The following DSP variants were observed in gnomAD, a reference collection of about 807,000 sequenced individuals.
DSP encodes the protein desmoplakin, also known as 250/210 kDa paraneoplastic pemphigus antigen.
Under a neutral mutation model 290.6 loss-of-function variants are expected in DSP, and 114 were observed. The ratio of observed to expected loss-of-function variants is 0.39; its 90% CI spans 0.34 to 0.46. The LOEUF is 0.46. Among genes scored for constraint, DSP ranks in the 20% least tolerant of loss-of-function variants. DSP has a pLI of 0.99. For synonymous variants in DSP, 1,311 were observed against 1,316.4 expected (o/e 1.00, Z 0.09); for missense variants, 3,230 against 3,495.8 (o/e 0.92, Z 1.92).
intron 3 of DSP, 96 bp from the exon 4 acceptor site, chr6:7,559,130 T>C: frequency 7.3e-7 from 1 of 1,374,012 alleles, no homozygotes; most frequent in South Asian, 1.2e-5. Flanking sequence ...GTAGCTTCTC[T>C]ATTGACACAA....
Position 7,585,977 on chromosome 6 carries a change from G to GTCCTATCACTCTACTGCA in DSP, c.*99_*100insTCCTATCACTCTACTGCA. The GTCCTATCACTCTACTGCA allele has an allele frequency of 8.2e-7, 1 of 1,215,040 alleles. No individual in the cohort carries two copies. The highest frequency in any genetic ancestry group is 1.2e-6 in the Non-Finnish European group (1 of 838,668). 75.3% of individuals were successfully genotyped at this position (1,215,040 alleles called of 1,614,324 possible). Reference sequence around the variant, plus strand: ...AAAATCCCGGTGCTTGCAGTAGAGTGATAGGACATTCTATGCTTACAGAAA... The same window carrying GTCCTATCACTCTACTGCA: ...AAAATCCCGGTGCTTGCAGTAGAGTGTCCTATCACTCTACTGCAATAGGACATTCTATGCTTACAGAAA... On this transcript the variant is annotated 3_prime_UTR_variant, in exon 24 of 24. Transcript: ENST00000379802.
At chr6:7,569,377 C>T in intron 12 of DSP, 37 bp downstream of exon 12, 1 of 1,614,082 alleles carries the variant, frequency 6.2e-7, no homozygotes, top group Non-Finnish European at 8.5e-7. Flanking sequence ...CGCATGCACG[C>T]ATGAATGTGA....
Position 7,580,562 on chromosome 6 carries a change from C to A in DSP, c.4372C>A (p.Arg1458=), listed in dbSNP as rs28763965. The change falls in exon 23 of 24, where the codon CGA becomes AGA. Residue 1458 remains arginine, a synonymous_variant. Coordinates refer to ENST00000379802, the MANE Select transcript of DSP (RefSeq NM_004415.4). This position sits in a 1 kb window ranked among gnomAD's most constrained non-coding sequence, Gnocchi z 4.2. ...TGAGCTGAGACAAGTCACTCAGATGCGAACAGAGGAGAGCGTAAGATATAA... is the reference window on the plus strand; with the variant it reads ...TGAGCTGAGACAAGTCACTCAGATGAGAACAGAGGAGAGCGTAAGATATAA... ...EVELRQVTQM[R]TEESVRYKQS... is the part of the protein sequence containing the mutation. 3 of 1,613,990 alleles carry A rather than the reference C, an allele frequency of 1.9e-6. No individual in the cohort carries two copies. The highest frequency in any genetic ancestry group is 2.5e-6 in the Non-Finnish European group (3 of 1,180,022).
rs1561681723 is a variant in DSP, at chr6:7,559,426, AC to A, written c.597+28del. On this transcript the variant is annotated intron_variant, in intron 4 of 23. Coordinates refer to ENST00000379802, the MANE Select transcript of DSP (RefSeq NM_004415.4). ...GTAAGCAGCTTCTTGAACAGCCCAA[AC>A]CTGTGCAGGCCAGACGTTCCAGCAC... The A allele has an allele frequency of 2.5e-6, 4 of 1,611,858 alleles. No individual in the cohort carries two copies. In the Admixed American group the frequency reaches 6.7e-5, roughly 27 times the overall value.
chr6:7,578,396 G>C, intron 21 of DSP, 68 bp from the exon 22 acceptor site: 1 of 1,312,988 alleles, frequency 7.6e-7, no homozygotes, highest in Non-Finnish European at 1.1e-6. Flanking sequence ...AAACAAAATC[G>C]GTCAAATTAC....
intron 1 of DSP, among the ~76,000 whole-genome samples, chr6:7,550,108 G>T (rs185016016): frequency 2.6e-5 from 4 of 152,098 alleles, no homozygotes; most frequent in African/African-American, 9.6e-5. Flanking sequence ...TGCAATCTCG[G>T]CTCACTGCAG....
intron 15 of DSP, among the ~76,000 whole-genome samples, chr6:7,573,785 A>G (rs907890862): frequency 2.0e-5 from 3 of 152,312 alleles, no homozygotes; most frequent in Admixed American, 6.5e-5. Flanking sequence ...GGGAAGATGT[A>G]AAGGATACAA....
Position 7,579,489 on chromosome 6 carries a change from G to T in DSP, c.3299G>T (p.Cys1100Phe). ...TCGGCTAAGCAAAATCTAGACAAGT[G>T]CTACGGCCAAATAAAAGAACTCAAT... ...GKSAKQNLDK[C>F]YGQIKELNEK... Residue 1100 changes from cysteine (C) to phenylalanine (F), a missense_variant, in exon 23 of 24, where the codon TGC becomes TTC. By Grantham distance (205) the Cys-to-Phe change is radical. Transcript: ENST00000379802. The surrounding 1 kb of genome is among the most constrained non-coding windows in gnomAD (Gnocchi z 4.1). The T allele has an allele frequency of 6.2e-7, 1 of 1,613,992 alleles. No homozygotes were observed. Among genetic ancestry groups the T allele is most frequent in the Non-Finnish European group, 8.5e-7 (1 of 1,180,032 alleles).
rs976330145 is a variant in DSP at position 7,565,717 on chromosome 6, G to A, written c.939+197G>A. The A allele has an allele frequency of 4.3e-5, 28 of 655,110 alleles. No individual in the cohort carries two copies. Among genetic ancestry groups the A allele is most frequent in the Middle Eastern group, 4.2e-4 (1 of 2,356 alleles). 40.6% of individuals were successfully genotyped at this position (655,110 alleles called of 1,614,324 possible). A position where few individuals can be genotyped will look rare whatever the true frequency, so the allele number is the denominator to read the frequency against. ...GCCATTATCCTTAGCAAACTTATGC[G>A]GGAACAGAAAACCAAATACCACATG... On this transcript the variant is annotated intron_variant, in intron 7 of 23. Coordinates refer to ENST00000379802, the MANE Select transcript of DSP (RefSeq NM_004415.4). The surrounding 1 kb of genome is among the most constrained non-coding windows in gnomAD (Gnocchi z 4.2).
chr6:7,562,847 C>T, intron 5 of DSP, 67 bp downstream of exon 5: 1 of 1,603,198 alleles, frequency 6.2e-7, no homozygotes, highest in Middle Eastern at 1.7e-4. Flanking sequence ...ATTACTCAAT[C>T]CCAGGGAGTT....
At chr6:7,548,068 C>T (rs1285565608) in intron 1 of DSP, among the ~76,000 whole-genome samples, 1 of 151,938 alleles carries the variant, frequency 6.6e-6, no homozygotes, top group Non-Finnish European at 1.5e-5. Context: ...GGAGTTCCAG[C>T]CCAGCCTAGC....
rs1233653476 is a variant in DSP, at chr6:7,583,199, G to C, written c.5937G>C (p.Gln1979His). Reference protein sequence around the residue: ...DGLRKKVTAMQLYECQLIDKT... With the variant: ...DGLRKKVTAMHLYECQLIDKT... ...TGAGGAAGAAGGTGACAGCAATGCA[G>C]CTCTATGAGTGTCAGCTGATCGACA... Residue 1979 changes from glutamine to histidine, a missense_variant, in exon 24 of 24, where the codon CAG (glutamine) becomes CAC (histidine). Transcript: ENST00000379802. The surrounding 1 kb of genome is among the most constrained non-coding windows in gnomAD (Gnocchi z 4.0). 1.2e-6 allele frequency: 2 copies of C among 1,614,148 alleles called. No homozygotes were observed. The highest frequency in any genetic ancestry group is 1.7e-6 in the Non-Finnish European group (2 of 1,180,028).
intron 1 of DSP, among the ~76,000 whole-genome samples, chr6:7,543,255 T>G (rs998986712): frequency 6.6e-6 from 1 of 152,012 alleles, no homozygotes; most frequent in African/African-American, 2.4e-5. Context: ...GCCCTAGGCC[T>G]GGGAGGAGCA....
chr6:7,555,387 G>C (rs1465465639), intron 1 of DSP, among the ~76,000 whole-genome samples: 1 of 139,592 alleles, frequency 7.2e-6, no homozygotes, highest in East Asian at 2.1e-4. Flanking sequence ...GATATTTGGG[G>C]GTTAAAAAGC....
intron 1 of DSP, among the ~76,000 whole-genome samples, chr6:7,542,338 A>G (rs1758019511): frequency 6.6e-6 from 1 of 152,114 alleles, no homozygotes; most frequent in Non-Finnish European, 1.5e-5. Flanking sequence ...GCGGGTGGTC[A>G]GAGGGGGCGT....
intron 1 of DSP, among the ~76,000 whole-genome samples, chr6:7,547,584 A>G (rs1377174355): frequency 6.7e-6 from 1 of 150,270 alleles, no homozygotes; most frequent in Non-Finnish European, 1.5e-5. Flanking sequence ...GTGCGCCACC[A>G]TACACAACTA....
At chr6:7,556,919 C>G (rs1758521115) in intron 2 of DSP, among the ~76,000 whole-genome samples, 1 of 152,224 alleles carries the variant, frequency 6.6e-6, no homozygotes. Context: ...AACATACACA[C>G]ACACACGTCA....
chr6:7,577,825 T>C lies in DSP; in HGVS notation c.2924T>C (p.Leu975Pro), dbSNP rs1473895931. Reference sequence around the variant, plus strand: ...TCATACACCTCAGGACTGGAAACTCTGCTGAACATACCTATCAAGAGGACC... The same window carrying C: ...TCATACACCTCAGGACTGGAAACTCCGCTGAACATACCTATCAAGAGGACC... ...LASYTSGLET[L>P]LNIPIKRTMI... Residue 975 changes from leucine (L) to proline (P), a missense_variant, in exon 21 of 24, where the codon CTG becomes CCG. Around this residue, in one of 5 missense-constraint regions of DSP, gnomAD observed 1,714 missense variants for 1,844.5 expected, o/e 0.93. Coordinates refer to ENST00000379802, the MANE Select transcript of DSP (RefSeq NM_004415.4). 1.9e-6 allele frequency: 3 copies of C among 1,614,218 alleles called. No individual in the cohort carries two copies. Among genetic ancestry groups the C allele is most frequent in the Non-Finnish European group, 2.5e-6 (3 of 1,180,038 alleles).
Position 7,583,577 on chromosome 6 carries a change from A to G in DSP, c.6315A>G (p.Val2105=), listed in dbSNP as rs1169852065. The G allele has an allele frequency of 6.2e-7, 1 of 1,614,208 alleles. No homozygotes were observed. The highest frequency in any genetic ancestry group is 8.5e-7 in the Non-Finnish European group (1 of 1,180,040). The part of the protein sequence containing the change: ...GFDDPFSGKT[V]SVSEAIKKNL... The stretch of plus-strand genomic sequence containing the variant: ...ATGATCCATTTTCAGGCAAGACAGT[A>G]TCTGTTTCAGAAGCCATCAAGAAAA... The change falls in exon 24 of 24, where the codon GTA becomes GTG. Residue 2105 remains valine (V), a synonymous_variant. Coordinates refer to ENST00000379802, the MANE Select transcript of DSP (RefSeq NM_004415.4). The surrounding 1 kb of genome is among the most constrained non-coding windows in gnomAD (Gnocchi z 4.0).
Sources: allele counts gnomAD v4.1 joint callset (sites outside exome capture counted in the v4.1 genomes callset), GRCh38; gene constraint gnomAD v4.1.1; regional missense constraint gnomAD v4.1.1; non-coding constraint Gnocchi (gnomAD v3.1); transcripts MANE v1.5; gene names NCBI Gene and HGNC (gene_info 2026-07-23, HGNC 2026-07-21).